STXBP5L: variants seen among roughly 807,000 people sequenced by gnomAD.
STXBP5L encodes the protein syntaxin-binding protein 5-like.
A neutral mutation model predicts 144.5 loss-of-function variants in STXBP5L; 65 were observed. The observed-to-expected ratio is 0.45, with a 90% CI of 0.37 to 0.55. The LOEUF is 0.55. STXBP5L is among the 20% of genes least tolerant of loss of function. The pLI, the probability that STXBP5L is intolerant of heterozygous loss-of-function variation, is 0.00. For synonymous variants in STXBP5L, 505 were observed against 469.6 expected (o/e 1.08, Z -0.97); for missense variants, 1,298 against 1,405.5 (o/e 0.92, Z 1.22).
At chr3:121,203,168 A>G (rs1398433214) in intron 9 of STXBP5L, among the ~76,000 whole-genome samples, 1 of 151,912 alleles carries the variant, frequency 6.6e-6, no homozygotes, top group African/African-American at 2.4e-5. Context: ...ACACATTAAT[A>G]TTTTTGAAAC....
chr3:121,165,433 A>G (rs974443513), intron 9 of STXBP5L, among the ~76,000 whole-genome samples: 7 of 152,102 alleles, frequency 4.6e-5, no homozygotes, highest in Non-Finnish European at 1.0e-4. Context: ...CACAATTTTC[A>G]TTCTTTTGTG....
At chr3:120,984,825 TGA>T (rs1251150572) in intron 3 of STXBP5L, among the ~76,000 whole-genome samples, 1 of 151,970 alleles carries the variant, frequency 6.6e-6, no homozygotes, top group African/African-American at 2.4e-5. Context: ...TTTATCGTGT[TGA>T]GTTAGTTTCC....
chr3:121,018,928 C>T (rs1300944326), intron 3 of STXBP5L, among the ~76,000 whole-genome samples: 1 of 152,186 alleles, frequency 6.6e-6, no homozygotes, highest in Non-Finnish European at 1.5e-5. Flanking sequence ...AGCCAAGAAA[C>T]CGTGAGCCTG....
At chr3:121,307,573 C>T (rs200800706) in intron 19 of STXBP5L, among the ~76,000 whole-genome samples, 1 of 151,760 alleles carries the variant, frequency 6.6e-6, no homozygotes, top group Non-Finnish European at 1.5e-5. Flanking sequence ...TTTGAACTAG[C>T]AAAAATAACA....
At chr3:121,051,596 G>A (rs1345971545) in intron 5 of STXBP5L, among the ~76,000 whole-genome samples, 1 of 152,050 alleles carries the variant, frequency 6.6e-6, no homozygotes, top group Non-Finnish European at 1.5e-5. Flanking sequence ...AGTGTGTAGA[G>A]GGAAATTTAT....
intron 9 of STXBP5L, chr3:121,158,636 A>C (rs2046204031): frequency 6.6e-6 from 1 of 152,326 alleles, no homozygotes; most frequent in East Asian, 1.9e-4. Flanking sequence ...GATTGCCATT[A>C]CAGAAACCTT....
At chr3:121,041,316 T>G (rs890889681) in intron 3 of STXBP5L, among the ~76,000 whole-genome samples, 6 of 152,270 alleles carry the variant, frequency 3.9e-5, no homozygotes, top group Admixed American at 3.3e-4. Context: ...TATTTACCTG[T>G]GTCTTTTAAG....
intron 10 of STXBP5L, among the ~76,000 whole-genome samples, chr3:121,210,563 G>A (rs2048521811): frequency 1.3e-5 from 2 of 152,108 alleles, no homozygotes; most frequent in African/African-American, 4.8e-5. Context: ...TATGGTTTTA[G>A]GTCTAACATT....
intron 20 of STXBP5L, among the ~76,000 whole-genome samples, chr3:121,367,416 G>T (rs2045892389): frequency 6.6e-6 from 1 of 151,838 alleles, no homozygotes; most frequent in Non-Finnish European, 1.5e-5. Flanking sequence ...AGGACTCTTG[G>T]TTGAAATTTT....
intron 12 of STXBP5L, among the ~76,000 whole-genome samples, chr3:121,236,287 T>G (rs1347290593): frequency 6.6e-6 from 1 of 152,170 alleles, no homozygotes; most frequent in African/African-American, 2.4e-5. Flanking sequence ...AATTTAAAAG[T>G]TTCCTATATA....
rs1445546590 is a variant in STXBP5L, at chr3:120,990,865, A to C, written c.287+35828A>C. On this transcript the variant is annotated intron_variant, in intron 3 of 26. Transcript: ENST00000471454. ...TAAAGACTTAAATGTTAGACCTAAA[A>C]CCATAAAAACCCTAGAAGAAAACCT... is the stretch of plus-strand genomic sequence containing the variant. 3.9e-5 allele frequency among the ~76,000 whole-genome samples: 6 copies of C among 152,316 alleles called. No individual in the cohort carries two copies. In the South Asian group the frequency reaches 8.3e-4, roughly 21 times the overall value.
intron 3 of STXBP5L, among the ~76,000 whole-genome samples, chr3:121,015,891 A>G (rs1348631636): frequency 1.3e-5 from 2 of 152,150 alleles, no homozygotes; most frequent in Non-Finnish European, 1.5e-5. Context: ...ACACAGACCC[A>G]TTATATCAAG....
intron 5 of STXBP5L, among the ~76,000 whole-genome samples, chr3:121,060,764 G>C (rs557651436): frequency 9.9e-5 from 15 of 152,232 alleles, no homozygotes; most frequent in African/African-American, 2.9e-4. Flanking sequence ...TTCCATAGAG[G>C]TGTTTATAGT....
At chr3:121,149,936 CG>C (rs2045871454) in intron 7 of STXBP5L, among the ~76,000 whole-genome samples, 1 of 152,012 alleles carries the variant, frequency 6.6e-6, no homozygotes, top group Non-Finnish European at 1.5e-5. Flanking sequence ...TTCTTCTCTA[CG>C]TACATATTTA....
intron 20 of STXBP5L, among the ~76,000 whole-genome samples, chr3:121,319,720 A>G (rs1187786711): frequency 2.0e-5 from 3 of 152,202 alleles, no homozygotes; most frequent in African/African-American, 7.2e-5. Flanking sequence ...TAAAATTAAT[A>G]TTCTTAAAAT....
chr3:121,336,594 T>TA lies in STXBP5L; in HGVS notation c.2176+18065dup, dbSNP rs1042720164. On this transcript the variant is annotated intron_variant, in intron 20 of 26. Coordinates refer to ENST00000471454, the MANE Select transcript of STXBP5L (RefSeq NM_001308330.2). Reference sequence around the variant, plus strand: ...AGTCAGAATGGCTATTAATAAAAAGTAAAAAAAAAAATAACAGATGCTGCA... The same window carrying TA: ...AGTCAGAATGGCTATTAATAAAAAGTAAAAAAAAAAAATAACAGATGCTGCA... Among the ~76,000 whole-genome samples, 111 of 145,170 alleles carry TA rather than the reference T, an allele frequency of 7.6e-4. 1 individual carries two copies. The highest frequency in any genetic ancestry group is 1.6e-3 in the East Asian group (8 of 5,014).
At chr3:121,002,752 G>C (rs1055300960) in intron 3 of STXBP5L, among the ~76,000 whole-genome samples, 2 of 128,998 alleles carry the variant, frequency 1.6e-5, no homozygotes, top group African/African-American at 6.1e-5. Context: ...TCCCCTTCCT[G>C]TGTCCATGTG....
At chr3:121,406,465 G>T (rs1287174779) in intron 22 of STXBP5L, among the ~76,000 whole-genome samples, 5 of 152,036 alleles carry the variant, frequency 3.3e-5, no homozygotes, top group Non-Finnish European at 7.4e-5. Context: ...GCTTAGGGAA[G>T]ATTCTGGAAA....
intron 2 of STXBP5L, among the ~76,000 whole-genome samples, chr3:120,929,186 G>A (rs899211854): frequency 1.3e-5 from 2 of 152,126 alleles, no homozygotes; most frequent in African/African-American, 4.8e-5. Flanking sequence ...TAGGGATCTG[G>A]TAGTCATTGG....
Sources: gnomAD v4.1 joint callset for allele counts (sites outside exome capture counted in the v4.1 genomes callset) on GRCh38, gnomAD v4.1.1 for gene constraint, MANE v1.5 for transcripts, NCBI Gene and HGNC (gene_info 2026-07-23, HGNC 2026-07-21) for gene names.